CDH15: variants seen among roughly 807,000 people sequenced by gnomAD.
CDH15 encodes cadherin-15.
In CDH15, 73 loss-of-function variants were observed where a neutral mutation model predicts 69.4. That is an observed-to-expected ratio of 1.05 (90% CI 0.87 to 1.28). The LOEUF is 1.28. Among genes scored for constraint, CDH15 ranks in the 50% most tolerant of loss-of-function variants. The probability of loss-of-function intolerance (pLI) is 0.00; values close to 1 mark genes in which losing one functional copy is unlikely to be tolerated. For synonymous variants in CDH15, 624 were observed against 507.7 expected, an observed-to-expected ratio of 1.23 and a Z score of -3.08; for missense variants, 1,343 against 1,133.6, an observed-to-expected ratio of 1.18 and a Z score of -2.65.
chr16:89,175,030 C>T (rs563573607), intron 1 of CDH15, among the ~76,000 whole-genome samples: 2 of 152,258 alleles, frequency 1.3e-5, no homozygotes, highest in African/African-American at 4.8e-5. Flanking sequence ...CGGAAGTGGG[C>T]CGTGGCCAGC....
intron 13 of CDH15, among the ~76,000 whole-genome samples, chr16:89,194,280 C>G (rs747609049): frequency 6.6e-6 from 1 of 152,160 alleles, no homozygotes; most frequent in South Asian, 2.1e-4. Flanking sequence ...CTGGACACAG[C>G]GTTAATGATT....
chr16:89,177,313 C>G (rs1915278610), intron 1 of CDH15, among the ~76,000 whole-genome samples: 1 of 152,150 alleles, frequency 6.6e-6, no homozygotes, highest in African/African-American at 2.4e-5. Context: ...GCTGGCCACA[C>G]ATGGGGCCTT....
At chr16:89,183,230 CCA>C in intron 3 of CDH15, 1 of 307,850 alleles carries the variant, frequency 3.2e-6, no homozygotes, top group Non-Finnish European at 6.1e-6. Flanking sequence ...GGAACAAAGA[CCA>C]CAGAGAGACA....
chr16:89,189,358 G>A lies in CDH15; in HGVS notation c.979-885G>A, dbSNP rs569531198. Among the ~76,000 whole-genome samples, 808 of 122,336 alleles carry A rather than the reference G, an allele frequency of 6.6e-3. 6 individuals carry two copies. The highest frequency in any genetic ancestry group is 0.024 in the African/African-American group (757 of 31,858). 80.3% of individuals were successfully genotyped at this position (122,336 alleles called of 152,430 possible). A position where few individuals can be genotyped will look rare whatever the true frequency, so the allele number is the denominator to read the frequency against. On this transcript the variant is annotated intron_variant, in intron 7 of 13. Coordinates refer to ENST00000289746, the MANE Select transcript of CDH15 (RefSeq NM_004933.3). ...ACACAGATGCCCACACACAGATGCC[G>A]GCACACACAGATGCTGGCGCACACA...
rs546079142 is a variant in CDH15 at position 89,191,611 on chromosome 16, G to C, written c.1376-44G>C. 2.5e-6 allele frequency: 4 copies of C among 1,569,372 alleles called. No homozygotes were observed. In the African/African-American group the frequency reaches 4.0e-5, roughly 16 times the overall value. ...CGCTCTGAGCCGACTGGTGGGGCAG[G>C]CTGGGGTGTTGGGGTCACTAAGCCG... On this transcript the variant is annotated intron_variant, in intron 9 of 13. Coordinates refer to ENST00000289746, the MANE Select transcript of CDH15 (RefSeq NM_004933.3).
intron 7 of CDH15, among the ~76,000 whole-genome samples, chr16:89,189,897 C>T (rs1915598408): frequency 6.6e-6 from 1 of 152,222 alleles, no homozygotes; most frequent in African/African-American, 2.4e-5. Flanking sequence ...AAAGCCTTCA[C>T]CTGAGTGGAT....
At chr16:89,194,537 G>A (rs1187094501) in intron 13 of CDH15, among the ~76,000 whole-genome samples, 1 of 152,304 alleles carries the variant, frequency 6.6e-6, no homozygotes, top group Admixed American at 6.5e-5. Context: ...GTTCTGCCTT[G>A]AGTGGACAAG....
Position 89,193,811 on chromosome 16 carries a change from ACCGCCG to A in CDH15, c.2052_2057del (p.Pro685_Pro686del). Reference sequence around the variant, plus strand: ...CGACAGCGCTGAGCCTGCCTCTGGGACCGCCGCCACTTCGCAGAGATGCCCCGCAGG... The same window carrying A: ...CGACAGCGCTGAGCCTGCCTCTGGGACCACTTCGCAGAGATGCCCCGCAGG... On this transcript the variant is annotated inframe_deletion, in exon 13 of 14. Transcript: ENST00000289746. 1.9e-6 allele frequency: 3 copies of A among 1,608,160 alleles called. No individual in the cohort carries two copies. The highest frequency in any genetic ancestry group is 2.5e-6 in the Non-Finnish European group (3 of 1,179,394).
Position 89,192,289 on chromosome 16 carries a change from C to T in CDH15, c.1700C>T (p.Pro567Leu). 6.5e-7 allele frequency: 1 copy of T among 1,531,902 alleles called. No individual in the cohort carries two copies. Among genetic ancestry groups the T allele is most frequent in the Non-Finnish European group, 8.7e-7 (1 of 1,145,660 alleles). The allele number at this position is 1,531,902 out of a possible 1,614,324, so 94.9% of individuals were successfully genotyped here. A position where few individuals can be genotyped will look rare whatever the true frequency, so the allele number is the denominator to read the frequency against. The change falls in exon 11 of 14, where the codon CCG becomes CTG. Residue 567 changes from proline to leucine, a missense_variant. Transcript: ENST00000289746. ...CTGCTGCTCCGGGACTCGGGGCAGC[C>T]GCCCCAGCAGCGCGAGCAGCCTCTG... The part of the protein sequence containing the change: ...LSLLLRDSGQ[P>L]PQQREQPLNV...
rs369285322 is a variant in CDH15 at position 89,191,346 on chromosome 16, G to T, written c.1249G>T (p.Asp417Tyr). The T allele has an allele frequency of 2.9e-5, 47 of 1,612,678 alleles. No homozygotes were observed. Among genetic ancestry groups the T allele is most frequent in the Non-Finnish European group, 3.9e-5 (46 of 1,179,996 alleles). ...LQRLSYSKDY[D>Y]PEDWLQVDAA... is the part of the protein sequence containing the mutation. ...CTGCATCAGCTACTCCAAGGACTAC[G>T]ACCCGGAAGACTGGCTGCAAGTGGA... The change falls in exon 9 of 14, where the codon GAC becomes TAC. Residue 417 changes from aspartate to tyrosine, a missense_variant. Asp to Tyr is a radical substitution (Grantham distance 160). Transcript: ENST00000289746.
rs775578638 is a variant in CDH15 at position 89,195,301 on chromosome 16, C to A, written c.*146C>A. On this transcript the variant is annotated 3_prime_UTR_variant, in exon 14 of 14. Transcript: ENST00000289746. Reference sequence around the variant, plus strand: ...CGAGGGCCCAAGTCTGGGGGCAGAACCTGAGTGTGGATGGGGCGGCCAGGA... The same window carrying A: ...CGAGGGCCCAAGTCTGGGGGCAGAAACTGAGTGTGGATGGGGCGGCCAGGA... 2.4e-6 allele frequency: 2 copies of A among 839,618 alleles called. No individual in the cohort carries two copies. The highest frequency in any genetic ancestry group is 1.7e-5 in the African/African-American group (1 of 58,342). The allele number at this position is 839,618 out of a possible 1,614,324, so 52.0% of individuals were successfully genotyped here. A position where few individuals can be genotyped will look rare whatever the true frequency, so the allele number is the denominator to read the frequency against.
chr16:89,176,578 G>T (rs564884676), intron 1 of CDH15, among the ~76,000 whole-genome samples: 1 of 152,328 alleles, frequency 6.6e-6, no homozygotes, highest in East Asian at 1.9e-4. Context: ...TCTAGGTGTT[G>T]GTGTGGCGTG....
chr16:89,184,753 C>T (rs1915446279), intron 4 of CDH15, among the ~76,000 whole-genome samples: 1 of 152,194 alleles, frequency 6.6e-6, no homozygotes, highest in Non-Finnish European at 1.5e-5. Flanking sequence ...CATGCATCCT[C>T]TGTCACCCTG....
In CDH15 at chr16:89,183,702, G is replaced by A. The variant is rs910994880; in HGVS notation, c.502+10G>A. The A allele has an allele frequency of 1.3e-6, 2 of 1,591,780 alleles. No homozygotes were observed. Among genetic ancestry groups the A allele is most frequent in the Non-Finnish European group, 1.7e-6 (2 of 1,169,078 alleles). ...GAGGGTGCAGTCCCAGGTGAGACAG[G>A]ACCACAGCCCCGGGCCGGGAGGGGC... On this transcript the variant is annotated intron_variant, in intron 4 of 13. Coordinates refer to ENST00000289746, the MANE Select transcript of CDH15 (RefSeq NM_004933.3).
At chr16:89,182,687 A>G (rs1394912885) in intron 3 of CDH15, 1 of 152,090 alleles carries the variant, frequency 6.6e-6, no homozygotes, top group Non-Finnish European at 1.5e-5. Flanking sequence ...GATGTGGGGA[A>G]AGGACGCTTC....
intron 3 of CDH15, among the ~76,000 whole-genome samples, chr16:89,181,579 G>A (rs182772191): frequency 5.3e-5 from 8 of 152,186 alleles, no homozygotes; most frequent in African/African-American, 1.4e-4. Context: ...CGACACTGCC[G>A]TGCGCCGTGA....
At position 89,191,882 on chromosome 16, in the gene CDH15, A is replaced by G. The variant is rs530642012; in HGVS notation, c.1603A>G (p.Ser535Gly). 1.1e-5 allele frequency: 17 copies of G among 1,581,270 alleles called. No homozygotes were observed. Among genetic ancestry groups the G allele is most frequent in the African/African-American group, 5.4e-5 (4 of 74,692 alleles). Reference protein sequence around the residue: ...LPELGRNWSLSQVNVSHARLR... With the variant: ...LPELGRNWSLGQVNVSHARLR... Reference sequence around the variant, plus strand: ...AGAGCTCGGCCGGAACTGGAGCCTCAGCCAGGTCAACGGTGCGCTCCCCTC... The same window carrying G: ...AGAGCTCGGCCGGAACTGGAGCCTCGGCCAGGTCAACGGTGCGCTCCCCTC... The change falls in exon 10 of 14, where the codon AGC (serine) becomes GGC (glycine). Residue 535 changes from serine (S) to glycine (G), a missense_variant. Coordinates refer to ENST00000289746, the MANE Select transcript of CDH15 (RefSeq NM_004933.3).
chr16:89,189,388 C>G (rs536584486), intron 7 of CDH15, among the ~76,000 whole-genome samples: 52 of 145,112 alleles, frequency 3.6e-4, no homozygotes, highest in African/African-American at 1.3e-3. Context: ...CACACAGATG[C>G]CCACACACAG....
intron 5 of CDH15, among the ~76,000 whole-genome samples, chr16:89,186,516 C>T (rs1359149045): frequency 3.6e-5 from 5 of 138,022 alleles, no homozygotes; most frequent in South Asian, 2.3e-4. Flanking sequence ...GCTTACCCAG[C>T]GCACAGTAGG....
Sources: allele counts gnomAD v4.1 joint callset (sites outside exome capture counted in the v4.1 genomes callset), GRCh38; gene constraint gnomAD v4.1.1; transcripts MANE v1.5; gene names NCBI Gene and HGNC (gene_info 2026-07-23, HGNC 2026-07-21).